Variants in SFXN5 observed in about 807,000 individuals in gnomAD.
SFXN5 encodes sideroflexin-5.
SFXN5 carries 43 observed loss-of-function variants against 50.2 expected under a neutral mutation model. That is an observed-to-expected ratio of 0.86 (90% CI 0.67 to 1.11). SFXN5 has a LOEUF of 1.11. Ranked by LOEUF, SFXN5 falls within the 50% of genes least tolerant of loss-of-function variation. The probability of loss-of-function intolerance (pLI) is 0.00; values close to 1 mark genes in which losing one functional copy is unlikely to be tolerated. For missense variants in SFXN5, 463 were observed against 454.1 expected (o/e 1.02, Z -0.18); for synonymous variants, 203 against 185.8 (o/e 1.09, Z -0.75).
intron 2 of SFXN5, among the ~76,000 whole-genome samples, chr2:73,055,745 T>C (rs1005262728): frequency 1.3e-5 from 2 of 152,066 alleles, no homozygotes; most frequent in African/African-American, 4.8e-5. Context: ...GCTTCCTGAG[T>C]AGCTGGGACT....
At position 72,944,980 on chromosome 2, in the gene SFXN5, C is replaced by G. The variant is rs1671769022; in HGVS notation, c.*42G>C. The G allele has an allele frequency of 3.8e-6, 6 of 1,590,922 alleles. No individual in the cohort carries two copies. The highest frequency in any genetic ancestry group is 1.7e-4 in the Middle Eastern group (1 of 6,010). ...GAGTCTACGGCCCTGCCCCTCAGCT[C>G]CCCGGCTGCACAGTGCTCCGTCCCC... On this transcript the variant is annotated 3_prime_UTR_variant, in exon 14 of 14. Coordinates refer to ENST00000272433, the MANE Select transcript of SFXN5 (RefSeq NM_144579.3).
chr2:73,043,793 A>C (rs1306947496), intron 2 of SFXN5, among the ~76,000 whole-genome samples: 1 of 152,230 alleles, frequency 6.6e-6, no homozygotes, highest in African/African-American at 2.4e-5. Context: ...TTAAATCTGT[A>C]AACATACCCC....
In SFXN5 at chr2:72,980,582, C is replaced by G. The variant is rs553245991; in HGVS notation, c.625+7676G>C. On this transcript the variant is annotated intron_variant, in intron 10 of 13. Transcript: ENST00000272433. The stretch of plus-strand genomic sequence containing the variant: ...AACCCATATTGAAGTGTCACCGACT[C>G]AGGATCGGGAATTTCTGGATTGAAA... 3.9e-5 allele frequency among the ~76,000 whole-genome samples: 6 copies of G among 152,240 alleles called. No individual in the cohort carries two copies. In the South Asian group the frequency reaches 1.2e-3, roughly 32 times the overall value.
At chr2:73,040,967 G>C in intron 2 of SFXN5, 36 bp from the exon 3 acceptor site, 1 of 1,588,672 alleles carries the variant, frequency 6.3e-7, no homozygotes, top group Non-Finnish European at 8.6e-7. Context: ...GAGGGGCACA[G>C]ATCCAGGGCT....
At chr2:73,057,520 C>T (rs927168898) in intron 2 of SFXN5, among the ~76,000 whole-genome samples, 2 of 152,132 alleles carry the variant, frequency 1.3e-5, no homozygotes, top group Admixed American at 6.5e-5. Flanking sequence ...ATTCTGGAAA[C>T]AGCAAAACAA....
chr2:73,033,648 G>A (rs1159926339), intron 3 of SFXN5, among the ~76,000 whole-genome samples: 1 of 152,248 alleles, frequency 6.6e-6, no homozygotes, highest in East Asian at 1.9e-4. Flanking sequence ...AGACAGCAAG[G>A]AGACCAGTGT....
chr2:73,039,972 G>A lies in SFXN5; in HGVS notation c.249+882C>T, dbSNP rs368799182. Among the ~76,000 whole-genome samples the A allele has an allele frequency of 3.7e-3, 564 of 151,850 alleles. 3 individuals carry two copies. Among genetic ancestry groups the A allele is most frequent in the Middle Eastern group, 6.8e-3 (2 of 292 alleles). ...ATTACAGGCGTCCACCACCATGCCCGGCTGATTTTTTGTCTTTCAGTAAAG... is the reference window on the plus strand; with the variant it reads ...ATTACAGGCGTCCACCACCATGCCCAGCTGATTTTTTGTCTTTCAGTAAAG... On this transcript the variant is annotated intron_variant, in intron 3 of 13. Coordinates refer to ENST00000272433, the MANE Select transcript of SFXN5 (RefSeq NM_144579.3).
chr2:72,987,931 G>A (rs750894513), intron 10 of SFXN5, among the ~76,000 whole-genome samples: 6 of 152,336 alleles, frequency 3.9e-5, no homozygotes, highest in East Asian at 1.9e-4. Flanking sequence ...CATTCGTAAC[G>A]GAAGGAAATG....
chr2:72,987,447 A>G (rs1672049611), intron 10 of SFXN5, among the ~76,000 whole-genome samples: 1 of 152,096 alleles, frequency 6.6e-6, no homozygotes, highest in Non-Finnish European at 1.5e-5. Context: ...AACAAGATCT[A>G]TCAGTTGATG....
chr2:73,020,144 T>A, intron 6 of SFXN5, 95 bp downstream of exon 6: 1 of 1,183,618 alleles, frequency 8.4e-7, no homozygotes, highest in Non-Finnish European at 1.2e-6. Context: ...TTATCCTAAA[T>A]CAACAATTCA....
At position 72,944,774 on chromosome 2, in the gene SFXN5, GAC is replaced by G; in HGVS notation, c.*246_*247del. 1 of 473,008 alleles carries G rather than the reference GAC, an allele frequency of 2.1e-6. No individual in the cohort carries two copies. The highest frequency in any genetic ancestry group is 3.8e-5 in the Admixed American group (1 of 26,154). The allele number at this position is 473,008 out of a possible 1,614,324, so 29.3% of individuals were successfully genotyped here. The stretch of plus-strand genomic sequence containing the variant: ...ACATAATTGTGCTGAGTGGAGTTTT[GAC>G]AACCCCACATAAGGCCCAGAAATGC... On this transcript the variant is annotated 3_prime_UTR_variant, in exon 14 of 14. Transcript: ENST00000272433.
At chr2:73,028,470 T>G (rs1677881175) in intron 3 of SFXN5, among the ~76,000 whole-genome samples, 1 of 152,202 alleles carries the variant, frequency 6.6e-6, no homozygotes, top group Admixed American at 6.5e-5. Context: ...GAGGCAGGAC[T>G]CCGGGTGCCT....
chr2:72,999,008 G>A lies in SFXN5; in HGVS notation c.475C>T (p.Pro159Ser), dbSNP rs1046141925. The change falls in exon 9 of 14, where the codon CCT (proline) becomes TCT (serine). Residue 159 changes from proline to serine, a missense_variant. By Grantham distance (74) the Pro-to-Ser change is moderately conservative. Transcript: ENST00000272433. ...TATCCCTGGATGAACTTGGATGCAG[G>A]TGAAGGCTGGAAAACAGAGGCAGAA... ...YANRNATKPS[P>S]ASKFIQGYLG... 1.9e-6 allele frequency: 3 copies of A among 1,614,176 alleles called. No homozygotes were observed. Among genetic ancestry groups the A allele is most frequent in the Non-Finnish European group, 1.7e-6 (2 of 1,180,030 alleles).
intron 10 of SFXN5, among the ~76,000 whole-genome samples, chr2:72,984,684 G>A (rs770623241): frequency 4.6e-5 from 7 of 152,224 alleles, no homozygotes; most frequent in Non-Finnish European, 1.0e-4. Flanking sequence ...GAGGGGAGCC[G>A]TGCAGCCCCC....
chr2:73,009,336 T>C lies in SFXN5; in HGVS notation c.358-7758A>G, dbSNP rs888907428. On this transcript the variant is annotated intron_variant, in intron 6 of 13. Transcript: ENST00000272433. ...GCAGGAAGCACTGGAGCAGCCAGCA[T>C]GCTCTTTCCACACAAGACGAGGCAG... Among the ~76,000 whole-genome samples, 5 of 152,314 alleles carry C rather than the reference T, an allele frequency of 3.3e-5. No individual in the cohort carries two copies. The South Asian group carries it at 1.0e-3, about 32-fold the overall frequency.
intron 1 of SFXN5, among the ~76,000 whole-genome samples, chr2:73,064,194 A>C (rs1438243747): frequency 6.6e-6 from 1 of 152,244 alleles, no homozygotes; most frequent in Non-Finnish European, 1.5e-5. Context: ...ACCGCCCCGC[A>C]ACTACACACA....
At chr2:73,032,474 A>C (rs1678440326) in intron 3 of SFXN5, among the ~76,000 whole-genome samples, 4 of 152,240 alleles carry the variant, frequency 2.6e-5, no homozygotes, top group Admixed American at 2.0e-4. Context: ...AGGTGGCTGG[A>C]AGATCCCAGA....
intron 6 of SFXN5, among the ~76,000 whole-genome samples, chr2:73,002,347 G>A (rs1056706310): frequency 3.3e-5 from 5 of 152,170 alleles, no homozygotes; most frequent in Admixed American, 2.0e-4. Context: ...CTTGCTGACC[G>A]TGTTTTTGGT....
chr2:72,975,598 G>A (rs1434485429), intron 10 of SFXN5, among the ~76,000 whole-genome samples: 1 of 152,172 alleles, frequency 6.6e-6, no homozygotes, highest in Non-Finnish European at 1.5e-5. Context: ...AATGAAAGTC[G>A]TCAGAGAAGG....
Sources: gnomAD v4.1 joint callset for allele counts (sites outside exome capture counted in the v4.1 genomes callset) on GRCh38, gnomAD v4.1.1 for gene constraint, MANE v1.5 for transcripts, NCBI Gene and HGNC (gene_info 2026-07-23, HGNC 2026-07-21) for gene names.